The following ZNF727 variants were observed in gnomAD, a reference collection of about 807,000 sequenced individuals.
ZNF727 encodes zinc finger protein 727.
A neutral mutation model predicts 11.5 loss-of-function variants in ZNF727; 11 were observed. That is an observed-to-expected ratio of 0.95 (90% confidence interval 0.60 to 1.58). The LOEUF is 1.58. ZNF727 is among the 40% of genes most tolerant of loss of function. The pLI, the probability that ZNF727 is intolerant of heterozygous loss-of-function variation, is 0.00. For missense variants in ZNF727, 533 were observed against 581.7 expected (o/e 0.92, Z 0.86); for synonymous variants, 171 against 196.1 (o/e 0.87, Z 1.07).
At chr7:64,063,823 C>T (rs927898029) in intron 1 of ZNF727, among the ~76,000 whole-genome samples, 5 of 152,116 alleles carry the variant, frequency 3.3e-5, no homozygotes, top group Non-Finnish European at 7.3e-5. Context: ...TGTGGCTTAG[C>T]TGGCACCGAA....
rs1206419827 is a variant in ZNF727 at position 64,077,329 on chromosome 7, T to G, written c.280T>G (p.Ser94Ala). 3 of 1,550,644 alleles carry G rather than the reference T, an allele frequency of 1.9e-6. No homozygotes were observed. The highest frequency in any genetic ancestry group is 2.6e-6 in the Non-Finnish European group (3 of 1,146,736). ...EILLEHDIND[S>A]FQKVILRKSG... The stretch of plus-strand genomic sequence containing the variant: ...ATTGCTGGAGCACGACATAAACGAT[T>G]CATTTCAAAAAGTGATCCTGAGAAA... The change falls in exon 4 of 4, where the codon TCA (serine) becomes GCA (alanine). Residue 94 changes from serine (S) to alanine (A), a missense_variant. Ser to Ala is a moderately conservative substitution (Grantham distance 99). Around this residue, in one of 3 missense-constraint regions of ZNF727, gnomAD observed 463 missense variants for 494.5 expected, o/e 0.94. Transcript: ENST00000456806.
rs1785834658 is a variant in ZNF727, at chr7:64,083,988, A to G, written c.*5439A>G. Among the ~76,000 whole-genome samples the G allele has an allele frequency of 6.6e-6, 1 of 152,110 alleles. No individual in the cohort carries two copies. Among genetic ancestry groups the G allele is most frequent in the African/African-American group, 2.4e-5 (1 of 41,382 alleles). The stretch of plus-strand genomic sequence containing the variant: ...TAATTTAACTCTTACATTTGATGCT[A>G]TGTCTTCATTCTAGAATTTATGTGA... On this transcript the variant is annotated 3_prime_UTR_variant, in exon 4 of 4. Transcript: ENST00000456806.
At chr7:64,072,981 GGT>G (rs1469582946) in intron 3 of ZNF727, among the ~76,000 whole-genome samples, 7 of 152,106 alleles carry the variant, frequency 4.6e-5, no homozygotes, top group Non-Finnish European at 8.8e-5. Context: ...TAGGATTACA[GGT>G]GTGAACCACC....
intron 3 of ZNF727, among the ~76,000 whole-genome samples, chr7:64,075,242 A>G (rs951119947): frequency 5.9e-5 from 9 of 152,030 alleles, no homozygotes; most frequent in African/African-American, 2.2e-4. Flanking sequence ...TATATTATTT[A>G]GTAATATAAT....
Position 64,083,124 on chromosome 7 carries a change from A to G in ZNF727, c.*4575A>G, listed in dbSNP as rs1785818739. Among the ~76,000 whole-genome samples the G allele has an allele frequency of 6.6e-6, 1 of 152,220 alleles. No individual in the cohort carries two copies. The highest frequency in any genetic ancestry group is 2.4e-5 in the African/African-American group (1 of 41,458). ...TGGTAGCTGGAGACCCTGGTTGGGA[A>G]CTGCTTTGCAGTGAGGAGGAATGAG... On this transcript the variant is annotated 3_prime_UTR_variant, in exon 4 of 4. Transcript: ENST00000456806.
chr7:64,065,749 C>T (rs933254157), intron 1 of ZNF727, among the ~76,000 whole-genome samples: 48 of 152,130 alleles, frequency 3.2e-4, no homozygotes, highest in African/African-American at 1.1e-3. Flanking sequence ...ACTCCTTTTC[C>T]ACTTTTTATT....
intron 1 of ZNF727, among the ~76,000 whole-genome samples, chr7:64,052,974 A>G (rs1789626231): frequency 6.6e-6 from 1 of 152,172 alleles, no homozygotes; most frequent in Non-Finnish European, 1.5e-5. Context: ...GGAAGTAACT[A>G]ACTTGCTTTT....
rs1785778058 is a variant in ZNF727 at position 64,081,002 on chromosome 7, G to T, written c.*2453G>T. On this transcript the variant is annotated 3_prime_UTR_variant, in exon 4 of 4. Coordinates refer to ENST00000456806, the MANE Select transcript of ZNF727 (RefSeq NM_001159522.3). ...GAGTCTGCATACTCTAACTCTGGGG[G>T]AGTTGTATTGAGCCCCAACTGTGTT... 6.6e-6 allele frequency among the ~76,000 whole-genome samples: 1 copy of T among 151,882 alleles called. No individual in the cohort carries two copies.
chr7:64,068,446 T>TA (rs1789905891), intron 1 of ZNF727, among the ~76,000 whole-genome samples: 1 of 152,094 alleles, frequency 6.6e-6, no homozygotes, highest in Non-Finnish European at 1.5e-5. Flanking sequence ...GCAAACTTCT[T>TA]ATCAATTCAA....
intron 3 of ZNF727, among the ~76,000 whole-genome samples, chr7:64,070,605 A>G (rs530357156): frequency 6.6e-6 from 1 of 152,182 alleles, no homozygotes; most frequent in Non-Finnish European, 1.5e-5. Context: ...TTAATGAACA[A>G]TTTTATAACC....
intron 1 of ZNF727, among the ~76,000 whole-genome samples, chr7:64,057,721 T>A (rs1313334795): frequency 2.0e-5 from 3 of 150,666 alleles, no homozygotes; most frequent in Admixed American, 6.6e-5. Context: ...TTGATTTTTT[T>A]AAAAAAGTAA....
At chr7:64,046,075 G>A (rs951577393) in intron 1 of ZNF727, among the ~76,000 whole-genome samples, 1 of 152,112 alleles carries the variant, frequency 6.6e-6, no homozygotes, top group African/African-American at 2.4e-5. Context: ...AAGTGCAGTG[G>A]CAAGATTTCG....
chr7:64,069,713 A>G lies in ZNF727; in HGVS notation c.226+104A>G, dbSNP rs2116314529. On this transcript the variant is annotated intron_variant, in intron 3 of 3. Coordinates refer to ENST00000456806, the MANE Select transcript of ZNF727 (RefSeq NM_001159522.3). ...TTCCAGAAGCTCTGCTCCAGTGGAA[A>G]TCGTTTCTGAGAAGCCTTCATTTCT... 8.8e-6 allele frequency: 8 copies of G among 911,804 alleles called. 1 individual carries two copies. The highest frequency in any genetic ancestry group is 8.1e-5 in the South Asian group (5 of 61,642). 56.5% of individuals were successfully genotyped at this position (911,804 alleles called of 1,614,324 possible). A position where few individuals can be genotyped will look rare whatever the true frequency, so the allele number is the denominator to read the frequency against.
rs900840050 is a variant in ZNF727 at position 64,083,100 on chromosome 7, G to T, written c.*4551G>T. On this transcript the variant is annotated 3_prime_UTR_variant, in exon 4 of 4. Transcript: ENST00000456806. The stretch of plus-strand genomic sequence containing the variant: ...CCACTGATCAAAGAGCACCTGTGGT[G>T]GTAGCTGGAGACCCTGGTTGGGAAC... 6.6e-6 allele frequency among the ~76,000 whole-genome samples: 1 copy of T among 152,202 alleles called. No homozygotes were observed. The highest frequency in any genetic ancestry group is 1.5e-5 in the Non-Finnish European group (1 of 68,040).
At position 64,060,586 on chromosome 7, in the gene ZNF727, A is replaced by G. The variant is rs1480133238; in HGVS notation, c.4-8305A>G. ...CTGAAAGTAATTCCAACACCATGGGAACCTGAATCCCAGATCTTTAGCCAG... is the reference window on the plus strand; with the variant it reads ...CTGAAAGTAATTCCAACACCATGGGGACCTGAATCCCAGATCTTTAGCCAG... On this transcript the variant is annotated intron_variant, in intron 1 of 3. Transcript: ENST00000456806. Among the ~76,000 whole-genome samples the G allele has an allele frequency of 5.9e-5, 9 of 152,236 alleles. No individual in the cohort carries two copies. The South Asian group carries it at 1.7e-3, about 28-fold the overall frequency.
intron 1 of ZNF727, among the ~76,000 whole-genome samples, chr7:64,060,076 C>G (rs1257722902): frequency 2.0e-5 from 3 of 151,758 alleles, no homozygotes; most frequent in African/African-American, 7.3e-5. Context: ...TTGAATATAC[C>G]CAATATATAG....
intron 1 of ZNF727, among the ~76,000 whole-genome samples, chr7:64,063,855 T>C (rs1307563620): frequency 4.6e-5 from 7 of 152,230 alleles, no homozygotes; most frequent in African/African-American, 1.7e-4. Flanking sequence ...ATATCCTTCC[T>C]ACTCTTTTCT....
In ZNF727 at chr7:64,081,805, A is replaced by G. The variant is rs1785797193; in HGVS notation, c.*3256A>G. On this transcript the variant is annotated 3_prime_UTR_variant, in exon 4 of 4. Transcript: ENST00000456806. ...TCTCTTATGGGAGAAAGTTGAGCCT[A>G]TGGAAATGGCCGTCAATGGCCACAC... Among the ~76,000 whole-genome samples the G allele has an allele frequency of 6.6e-6, 1 of 152,122 alleles. No homozygotes were observed. The highest frequency in any genetic ancestry group is 6.5e-5 in the Admixed American group (1 of 15,274).
At chr7:64,057,780 A>C (rs567695883) in intron 1 of ZNF727, among the ~76,000 whole-genome samples, 114 of 152,258 alleles carry the variant, frequency 7.5e-4, no homozygotes, top group African/African-American at 2.6e-3. Context: ...AAAAATTCAT[A>C]GTAAACACAT....
Sources: allele counts gnomAD v4.1 joint callset (sites outside exome capture counted in the v4.1 genomes callset), GRCh38; gene constraint gnomAD v4.1.1; regional missense constraint gnomAD v4.1.1; transcripts MANE v1.5; gene names NCBI Gene and HGNC (gene_info 2026-07-23, HGNC 2026-07-21).